MOB1B: variants seen among roughly 807,000 people sequenced by gnomAD.
The protein encoded by MOB1B is MOB1 Mps One Binder homolog B.
A neutral mutation model predicts 24.4 loss-of-function variants in MOB1B; 19 were observed. The ratio of observed to expected loss-of-function variants is 0.78; its 90% CI spans 0.54 to 1.14. The LOEUF (loss-of-function observed/expected upper bound fraction) is 1.14, where lower values mean the gene tolerates loss of function less well. Among genes scored for constraint, MOB1B ranks in the 50% most tolerant of loss-of-function variants. The pLI, the probability that MOB1B is intolerant of heterozygous loss-of-function variation, is 0.00. For missense variants in MOB1B, 243 were observed against 259.6 expected, an observed-to-expected ratio of 0.94 and a Z score of 0.44; for synonymous variants, 76 against 82.1, an observed-to-expected ratio of 0.93 and a Z score of 0.40.
intron 1 of MOB1B, chr4:70,950,886 G>T (rs980934700): frequency 6.4e-5 from 53 of 833,742 alleles, no homozygotes; most frequent in Non-Finnish European, 9.4e-5. Context: ...AGTAAGGTAG[G>T]TATTATTATC....
chr4:70,953,834 C>T (rs182352358), intron 1 of MOB1B, among the ~76,000 whole-genome samples: 18 of 152,236 alleles, frequency 1.2e-4, no homozygotes, highest in African/African-American at 3.9e-4. Flanking sequence ...ATCCCAGCTA[C>T]TTGGGAGGCT....
intron 2 of MOB1B, among the ~76,000 whole-genome samples, chr4:70,962,427 A>G (rs1005294056): frequency 6.6e-5 from 10 of 152,238 alleles, no homozygotes; most frequent in Non-Finnish European, 1.5e-4. Context: ...AAAGAAGAAA[A>G]GGCAATTCAG....
intron 1 of MOB1B, among the ~76,000 whole-genome samples, chr4:70,919,816 A>G (rs1006609820): frequency 3.3e-5 from 5 of 152,174 alleles, no homozygotes; most frequent in African/African-American, 1.2e-4. Context: ...TGTTTCTAGT[A>G]GTCTTAATTG....
At chr4:70,943,166 G>C (rs1578374141) in intron 1 of MOB1B, among the ~76,000 whole-genome samples, 2 of 152,140 alleles carry the variant, frequency 1.3e-5, no homozygotes, top group East Asian at 3.8e-4. Flanking sequence ...GGTCATTTCT[G>C]ATGGTTTTTT....
rs1228976983 is a variant in MOB1B at position 70,987,305 on chromosome 4, TTTAC to T, written c.*5252_*5255del. ...ATATATTATTAATATTAAATTGTTT[TTTAC>T]TTATAAATTCATGTTCTCATCTGAT... is the stretch of plus-strand genomic sequence containing the variant. On this transcript the variant is annotated 3_prime_UTR_variant, in exon 6 of 6. Coordinates refer to ENST00000309395, the MANE Select transcript of MOB1B (RefSeq NM_173468.4). 3 of 151,992 alleles carry T rather than the reference TTTAC, an allele frequency of 2.0e-5. No individual in the cohort carries two copies. Among genetic ancestry groups the T allele is most frequent in the South Asian group, 2.1e-4 (1 of 4,832 alleles). The allele number at this position is 151,992 out of a possible 1,614,324, so 9.4% of individuals were successfully genotyped here. A position where few individuals can be genotyped will look rare whatever the true frequency, so the allele number is the denominator to read the frequency against.
At chr4:70,946,996 T>C (rs1168553195) in intron 1 of MOB1B, among the ~76,000 whole-genome samples, 1 of 152,244 alleles carries the variant, frequency 6.6e-6, no homozygotes, top group South Asian at 2.1e-4. Context: ...ACTAGGGTGC[T>C]TCAAATGTAA....
intron 3 of MOB1B, among the ~76,000 whole-genome samples, chr4:70,973,829 A>G (rs1031219057): frequency 1.3e-5 from 2 of 152,198 alleles, no homozygotes; most frequent in Non-Finnish European, 1.5e-5. Flanking sequence ...CTTGTTTAGT[A>G]TTATTGTTCA....
chr4:70,955,854 A>G (rs1163509581), intron 1 of MOB1B, among the ~76,000 whole-genome samples: 1 of 151,980 alleles, frequency 6.6e-6, no homozygotes, highest in Non-Finnish European at 1.5e-5. Flanking sequence ...GCATATGTCT[A>G]TTTATATTAT....
chr4:70,964,153 A>G (rs551308768), intron 2 of MOB1B, among the ~76,000 whole-genome samples: 8 of 152,254 alleles, frequency 5.3e-5, no homozygotes, highest in Admixed American at 3.3e-4. Context: ...AAGGAGAAGT[A>G]GACAAATCCA....
At chr4:70,944,322 G>A (rs924122381) in intron 1 of MOB1B, among the ~76,000 whole-genome samples, 4 of 152,132 alleles carry the variant, frequency 2.6e-5, no homozygotes, top group Non-Finnish European at 2.9e-5. Flanking sequence ...GGCGTGAGCC[G>A]CTGCACCCGG....
chr4:70,916,576 T>G (rs1736204215), intron 1 of MOB1B, among the ~76,000 whole-genome samples: 1 of 150,386 alleles, frequency 6.6e-6, no homozygotes, highest in Non-Finnish European at 1.5e-5. Flanking sequence ...CTGAATATCT[T>G]TTTTTTTTTG....
chr4:70,926,366 A>G (rs762014037), intron 1 of MOB1B, among the ~76,000 whole-genome samples: 31 of 151,588 alleles, frequency 2.0e-4, no homozygotes, highest in Non-Finnish European at 3.7e-4. Flanking sequence ...GTCACTAGCT[A>G]TGTGACCTTG....
chr4:70,950,845 T>C, intron 1 of MOB1B: 2 of 1,179,706 alleles, frequency 1.7e-6, no homozygotes, highest in Non-Finnish European at 2.4e-6. Flanking sequence ...AGAGAACTAA[T>C]AGTAGTGAAG....
intron 1 of MOB1B, among the ~76,000 whole-genome samples, chr4:70,925,842 G>A (rs1235529937): frequency 6.6e-6 from 1 of 152,122 alleles, no homozygotes; most frequent in Non-Finnish European, 1.5e-5. Context: ...TCCCCGTACT[G>A]TCCTTTCACA....
chr4:70,979,474 A>G (rs1739119343), intron 5 of MOB1B, among the ~76,000 whole-genome samples, 183 bp downstream of exon 5: 1 of 152,122 alleles, frequency 6.6e-6, no homozygotes, highest in Non-Finnish European at 1.5e-5. Context: ...TTAGTTTCCA[A>G]GTTGATGGTA....
chr4:70,973,008 C>T (rs572059133), intron 3 of MOB1B, among the ~76,000 whole-genome samples: 3,318 of 152,082 alleles, frequency 0.022, 125 homozygotes, highest in African/African-American at 0.075. Context: ...CTCCTGACCT[C>T]ATGATCCGCC....
Position 70,982,941 on chromosome 4 carries a change from GA to G in MOB1B, c.*885del, listed in dbSNP as rs1222154009. 6.6e-6 allele frequency: 1 copy of G among 152,570 alleles called. No homozygotes were observed. Among genetic ancestry groups the G allele is most frequent in the Admixed American group, 6.6e-5 (1 of 15,254 alleles). The allele number at this position is 152,570 out of a possible 1,614,324, so 9.5% of individuals were successfully genotyped here. On this transcript the variant is annotated 3_prime_UTR_variant, in exon 6 of 6. Transcript: ENST00000309395. ...TTCCCTTCTACTTTGAAGAGAAGGG[GA>G]TAGGAATGTATATTTGGCTGGGGGC...
At chr4:70,970,437 C>CT (rs1327763021) in intron 3 of MOB1B, among the ~76,000 whole-genome samples, 7 of 152,128 alleles carry the variant, frequency 4.6e-5, no homozygotes, top group African/African-American at 7.2e-5. Context: ...ATCAGACTAA[C>CT]TTTTTTTACC....
intron 1 of MOB1B, among the ~76,000 whole-genome samples, chr4:70,917,640 C>T (rs1342011900): frequency 6.6e-6 from 1 of 152,176 alleles, no homozygotes; most frequent in Non-Finnish European, 1.5e-5. Flanking sequence ...AAAAAACTGT[C>T]TTTACCTGGT....
Sources: gnomAD v4.1 joint callset for allele counts (sites outside exome capture counted in the v4.1 genomes callset) on GRCh38, gnomAD v4.1.1 for gene constraint, MANE v1.5 for transcripts, NCBI Gene and HGNC (gene_info 2026-07-23, HGNC 2026-07-21) for gene names.